The following N4BP2L2 variants were observed in gnomAD, a reference collection of about 807,000 sequenced individuals.
N4BP2L2 encodes the protein NEDD4-binding protein 2-like 2.
Under a neutral mutation model 56.2 loss-of-function variants are expected in N4BP2L2, and 50 were observed. The ratio of observed to expected loss-of-function variants is 0.89; its 90% CI spans 0.71 to 1.13. The LOEUF (loss-of-function observed/expected upper bound fraction) is 1.13. Among genes scored for constraint, N4BP2L2 ranks in the 50% most tolerant of loss-of-function variants. The pLI is 0.00. For missense variants in N4BP2L2, 689 were observed against 693.8 expected, an observed-to-expected ratio of 0.99 and a Z score of 0.08; for synonymous variants, 203 against 223.6, an observed-to-expected ratio of 0.91 and a Z score of 0.82.
intron 6 of N4BP2L2, among the ~76,000 whole-genome samples, chr13:32,449,615 C>T (rs569881939): frequency 7.9e-5 from 12 of 152,216 alleles, no homozygotes; most frequent in Admixed American, 2.6e-4. Context: ...AACTAACCAG[C>T]TTTCTGTCCC....
At chr13:32,528,579 A>G (rs2053752742) in intron 2 of N4BP2L2, among the ~76,000 whole-genome samples, 1 of 152,206 alleles carries the variant, frequency 6.6e-6, no homozygotes, top group South Asian at 2.1e-4. Context: ...GTGTGCTATG[A>G]TAGGGAAAAT....
At chr13:32,501,522 A>G (rs2089994938) in intron 6 of N4BP2L2, among the ~76,000 whole-genome samples, 2 of 152,260 alleles carry the variant, frequency 1.3e-5, no homozygotes, top group South Asian at 4.1e-4. Context: ...CAGTAAAAAA[A>G]TGAAAATATC....
chr13:32,488,018 C>T (rs808880), intron 6 of N4BP2L2, among the ~76,000 whole-genome samples: 58,329 of 151,646 alleles, frequency 0.38, 11,339 homozygotes, highest in East Asian at 0.47. Context: ...GCCACCACGC[C>T]GGACTAATAA....
chr13:32,526,236 T>C (rs1054073578), intron 3 of N4BP2L2, among the ~76,000 whole-genome samples: 3 of 152,178 alleles, frequency 2.0e-5, no homozygotes. Context: ...AGGAACATGC[T>C]ATGGATTAAC....
intron 6 of N4BP2L2, among the ~76,000 whole-genome samples, chr13:32,492,569 T>A (rs527293046): frequency 6.6e-6 from 1 of 152,262 alleles, no homozygotes; most frequent in African/African-American, 2.4e-5. Flanking sequence ...TTAATACCCT[T>A]TCATATGGCA....
chr13:32,517,803 T>C lies in N4BP2L2; in HGVS notation c.1751A>G (p.Ter584=), dbSNP rs370313390. Residue 584 remains the stop codon, a stop_retained_variant, in exon 6 of 6, where the codon TAA becomes TGA. Transcript: ENST00000267068. ...ATGTGTTAGCTGAAAATAGCTAATT[T>C]AATGATTATTTGTGACACAGACACG... 497 of 1,612,654 alleles carry C rather than the reference T, an allele frequency of 3.1e-4. 14 individuals are homozygous for C. In the South Asian group the frequency reaches 3.7e-3, roughly 12 times the overall value.
At chr13:32,520,041 T>A (rs1160216549) in intron 5 of N4BP2L2, among the ~76,000 whole-genome samples, 1 of 152,118 alleles carries the variant, frequency 6.6e-6, no homozygotes, top group Non-Finnish European at 1.5e-5. Context: ...CTAATACTAA[T>A]CTGTTTGTCT....
At chr13:32,459,770 A>T (rs967307331) in intron 6 of N4BP2L2, among the ~76,000 whole-genome samples, 1 of 152,172 alleles carries the variant, frequency 6.6e-6, no homozygotes, top group African/African-American at 2.4e-5. Context: ...ATTCCAAAAA[A>T]AATGAAGAGG....
At chr13:32,501,857 A>G (rs967950437) in intron 6 of N4BP2L2, among the ~76,000 whole-genome samples, 2 of 152,090 alleles carry the variant, frequency 1.3e-5, no homozygotes, top group Admixed American at 6.5e-5. Flanking sequence ...AAAAAAGGAA[A>G]TATCAACATA....
At chr13:32,455,779 G>T (rs1037565714) in intron 6 of N4BP2L2, among the ~76,000 whole-genome samples, 9 of 152,048 alleles carry the variant, frequency 5.9e-5, no homozygotes, top group African/African-American at 1.9e-4. Context: ...CACCACTGGC[G>T]GGATCTCCGC....
chr13:32,436,959 C>T (rs1252695583), intron 8 of N4BP2L2, among the ~76,000 whole-genome samples: 9 of 151,854 alleles, frequency 5.9e-5, no homozygotes, highest in Admixed American at 2.0e-4. Flanking sequence ...TGGCTCACTG[C>T]AACCTTTGCC....
chr13:32,499,900 C>A (rs370630658), intron 6 of N4BP2L2, among the ~76,000 whole-genome samples: 1 of 152,210 alleles, frequency 6.6e-6, no homozygotes, highest in African/African-American at 2.4e-5. Flanking sequence ...TATCCCAACA[C>A]CATTCATGGC....
At chr13:32,437,285 G>A (rs943867229) in intron 8 of N4BP2L2, among the ~76,000 whole-genome samples, 1 of 152,162 alleles carries the variant, frequency 6.6e-6, no homozygotes, top group African/African-American at 2.4e-5. Flanking sequence ...ACAAGAAGAT[G>A]AGGAAAAATG....
chr13:32,451,629 G>A (rs2078032927), intron 6 of N4BP2L2, among the ~76,000 whole-genome samples: 1 of 151,384 alleles, frequency 6.6e-6, no homozygotes, highest in Non-Finnish European at 1.5e-5. Flanking sequence ...GCAACCTTGA[G>A]CTCCCAAGCT....
chr13:32,537,770 G>A (rs1358327440), intron 1 of N4BP2L2, among the ~76,000 whole-genome samples: 2 of 152,178 alleles, frequency 1.3e-5, no homozygotes, highest in African/African-American at 4.8e-5. Context: ...CTATCACGAA[G>A]ATAAAATTTG....
chr13:32,518,856 T>C (rs1594028686), intron 5 of N4BP2L2, among the ~76,000 whole-genome samples: 1 of 152,152 alleles, frequency 6.6e-6, no homozygotes, highest in East Asian at 1.9e-4. Flanking sequence ...TTTCTGTATG[T>C]GAGGTTATAT....
At chr13:32,489,973 T>C (rs1344253409) in intron 6 of N4BP2L2, 3 of 152,152 alleles carry the variant, frequency 2.0e-5, no homozygotes, top group Non-Finnish European at 4.4e-5. Flanking sequence ...TAAGCCAAAA[T>C]TAGGACAACT....
At chr13:32,484,824 C>G (rs1283729814) in intron 6 of N4BP2L2, among the ~76,000 whole-genome samples, 1 of 152,092 alleles carries the variant, frequency 6.6e-6, no homozygotes, top group Non-Finnish European at 1.5e-5. Context: ...TACAATCTTG[C>G]CTTCATCTTA....
intron 5 of N4BP2L2, 114 bp from the exon 6 acceptor site, chr13:32,518,117 T>C: frequency 1.0e-6 from 1 of 957,580 alleles, no homozygotes; most frequent in Non-Finnish European, 1.5e-6. Flanking sequence ...AAATAAACAA[T>C]ATATATTTCA....
Sources: allele counts gnomAD v4.1 joint callset (sites outside exome capture counted in the v4.1 genomes callset), GRCh38; gene constraint gnomAD v4.1.1; transcripts MANE v1.5; gene names NCBI Gene and HGNC (gene_info 2026-07-23, HGNC 2026-07-21).